BRWD3: variants seen among roughly 807,000 people sequenced by gnomAD.
The protein encoded by BRWD3 is bromodomain and WD repeat domain containing 3, also known as bromodomain and WD repeat-containing protein 3.
BRWD3 carries 10 observed loss-of-function variants against 149.7 expected under a neutral mutation model. The observed-to-expected ratio is 0.07, with a 90% confidence interval of 0.04 to 0.11. The LOEUF (loss-of-function observed/expected upper bound fraction) is 0.11. BRWD3 is among the 10% of genes least tolerant of loss of function. BRWD3 has a pLI of 1.00. For synonymous variants in BRWD3, 504 were observed against 456.7 expected (o/e 1.10, Z -1.32); for missense variants, 940 against 1,373.2 (o/e 0.68, Z 4.99).
At chrX:80,740,799 T>A (rs112715708) in intron 8 of BRWD3, among the ~76,000 whole-genome samples, 1,123 of 111,573 alleles carry the variant, frequency 0.01, 11 homozygotes, top group South Asian at 0.034. Context: ...AATAAAAATG[T>A]CCCTCACATT....
chrX:80,724,791 T>C, intron 15 of BRWD3, 142 bp downstream of exon 15: 2 of 693,630 alleles, frequency 2.9e-6, no homozygotes, highest in South Asian at 5.2e-5. Flanking sequence ...TCTCAATTCT[T>C]GAGTTATTCT....
At chrX:80,689,913 TA>T (rs2072588427) in intron 32 of BRWD3, 53 bp downstream of exon 32, 2 of 1,173,389 alleles carry the variant, frequency 1.7e-6, no homozygotes, top group African/African-American at 3.6e-5. Context: ...TTTTTAAAAT[TA>T]ATTTTTTAAA....
chrX:80,711,226 A>T (rs758360536), intron 20 of BRWD3, among the ~76,000 whole-genome samples: 1 of 111,973 alleles, frequency 8.9e-6, no homozygotes, highest in South Asian at 3.7e-4. Flanking sequence ...TTCTAGATTA[A>T]CATTGAGGGC....
intron 36 of BRWD3, among the ~76,000 whole-genome samples, chrX:80,684,770 G>C (rs1294132243): frequency 1.8e-5 from 2 of 110,857 alleles, no homozygotes; most frequent in Non-Finnish European, 3.8e-5. Flanking sequence ...ATCCAGTAAA[G>C]ATTTTCCTAG....
intron 6 of BRWD3, among the ~76,000 whole-genome samples, chrX:80,752,154 A>G (rs999510361): frequency 5.5e-5 from 6 of 109,076 alleles, no homozygotes; most frequent in Non-Finnish European, 9.5e-5. Context: ...CTGGGACCAC[A>G]GGTGTGTGCC....
chrX:80,721,159 G>A (rs1701600526), intron 17 of BRWD3, among the ~76,000 whole-genome samples: 1 of 111,970 alleles, frequency 8.9e-6, no homozygotes, highest in Non-Finnish European at 1.9e-5. Context: ...GATTATTTCT[G>A]AATGAAAATG....
At chrX:80,726,363 GTTTACATGTTATA>G (rs1173671005) in intron 14 of BRWD3, among the ~76,000 whole-genome samples, 25,485 of 99,547 alleles carry the variant, frequency 0.26, 2,839 homozygotes, top group South Asian at 0.57. Context: ...CATATAACAT[GTTTACATGTTATA>G]TCTGTATAAC....
At chrX:80,769,648 C>A (rs748550402) in intron 6 of BRWD3, among the ~76,000 whole-genome samples, 2 of 111,067 alleles carry the variant, frequency 1.8e-5, no homozygotes, top group Admixed American at 1.9e-4. Flanking sequence ...CAGGAAAGAT[C>A]TAAAACTGAC....
intron 20 of BRWD3, among the ~76,000 whole-genome samples, chrX:80,714,894 T>C (rs1356041933): frequency 8.9e-6 from 1 of 112,155 alleles, no homozygotes; most frequent in Non-Finnish European, 1.9e-5. Flanking sequence ...TGGCAGTATG[T>C]TCATTTAGTA....
At chrX:80,791,663 C>G (rs1344313524) in intron 6 of BRWD3, among the ~76,000 whole-genome samples, 191 bp downstream of exon 6, 1 of 111,868 alleles carries the variant, frequency 8.9e-6, no homozygotes, top group Admixed American at 9.5e-5. Context: ...CAAAGATCAC[C>G]TTTTATAAAA....
rs750283567 is a variant in BRWD3 at position 80,676,711 on chromosome X, C to T, written c.5307G>A (p.Val1769=). 19 of 1,209,472 alleles carry T rather than the reference C, an allele frequency of 1.6e-5. 1 individual carries two copies. The South Asian group carries it at 3.3e-4, about 21-fold the overall frequency. ...YNDDSDNDNF[V]STEDPLNLGT... is the part of the protein sequence containing the mutation. Reference sequence around the variant, plus strand: ...CAAGATTCAGAGGATCCTCAGTGGACACAAAATTGTCATTATCAGAATCAT... The same window carrying T: ...CAAGATTCAGAGGATCCTCAGTGGATACAAAATTGTCATTATCAGAATCAT... The change falls in exon 41 of 41, where the codon GTG becomes GTA. Residue 1769 remains valine, a synonymous_variant. Coordinates refer to ENST00000373275, the MANE Select transcript of BRWD3 (RefSeq NM_153252.5).
chrX:80,770,018 C>G (rs2073916650), intron 6 of BRWD3, among the ~76,000 whole-genome samples: 1 of 111,238 alleles, frequency 9.0e-6, no homozygotes, highest in Non-Finnish European at 1.9e-5. Context: ...GGATAAATTC[C>G]TCGACACATA....
chrX:80,710,204 T>C lies in BRWD3; in HGVS notation c.2326-627A>G. The C allele has an allele frequency of 1.5e-5, 7 of 455,559 alleles. No homozygotes were observed. The South Asian group carries it at 1.9e-4, about 13-fold the overall frequency. 37.5% of individuals were successfully genotyped at this position (455,559 alleles called of 1,213,427 possible). A position where few individuals can be genotyped will look rare whatever the true frequency, so the allele number is the denominator to read the frequency against. On this transcript the variant is annotated intron_variant, in intron 20 of 40. Coordinates refer to ENST00000373275, the MANE Select transcript of BRWD3 (RefSeq NM_153252.5). ...GTGCCAGGAGTGTTTCGATTCCAGA[T>C]TTGTATCTGATAGACCACTTCCTGT...
At chrX:80,771,391 A>G (rs1179097664) in intron 6 of BRWD3, among the ~76,000 whole-genome samples, 1 of 111,750 alleles carries the variant, frequency 8.9e-6, no homozygotes, top group African/African-American at 3.3e-5. Context: ...TAGTACTGGT[A>G]CCAAAACAGA....
chrX:80,786,525 T>C (rs764769730), intron 6 of BRWD3, among the ~76,000 whole-genome samples: 2 of 110,005 alleles, frequency 1.8e-5, no homozygotes, highest in Non-Finnish European at 3.8e-5. Context: ...CCTATATATA[T>C]ATATATATGG....
chrX:80,733,334 G>A (rs1479434266), intron 12 of BRWD3, 122 bp downstream of exon 12: 1 of 509,175 alleles, frequency 2.0e-6, no homozygotes, highest in African/African-American at 2.4e-5. Context: ...AGACAAACAA[G>A]GGCTTTGAAC....
intron 6 of BRWD3, among the ~76,000 whole-genome samples, chrX:80,782,410 A>G (rs2074066066): frequency 9.0e-6 from 1 of 111,222 alleles, no homozygotes; most frequent in Non-Finnish European, 1.9e-5. Context: ...AACCACTAAA[A>G]GAAAACATCG....
At position 80,718,343 on chromosome X, in the gene BRWD3, T is replaced by G. The variant is rs1023878040; in HGVS notation, c.2045-584A>C. Among the ~76,000 whole-genome samples, 10 of 112,339 alleles carry G rather than the reference T, an allele frequency of 8.9e-5. No homozygotes were observed. In the East Asian group the frequency reaches 2.2e-3, roughly 25 times the overall value. On this transcript the variant is annotated intron_variant, in intron 18 of 40. Coordinates refer to ENST00000373275, the MANE Select transcript of BRWD3 (RefSeq NM_153252.5). ...TTACAAATAAAACACAAATGGAAAC[T>G]GAAACATCCAACTGTTAAATGTCAG...
chrX:80,712,779 G>A (rs2073001528), intron 20 of BRWD3, among the ~76,000 whole-genome samples: 1 of 107,607 alleles, frequency 9.3e-6, no homozygotes, highest in South Asian at 4.2e-4. Flanking sequence ...TGGGATGTGA[G>A]GAGCATCTCT....
Sources: allele counts gnomAD v4.1 joint callset (sites outside exome capture counted in the v4.1 genomes callset), GRCh38; gene constraint gnomAD v4.1.1; transcripts MANE v1.5; gene names NCBI Gene and HGNC (gene_info 2026-07-23, HGNC 2026-07-21).